The following CD44 variants were observed in gnomAD, a reference collection of about 807,000 sequenced individuals.
CD44 encodes the protein CD44 antigen.
In CD44, 49 loss-of-function variants were observed where a neutral mutation model predicts 88.8. The observed-to-expected ratio is 0.55, with a 90% confidence interval of 0.44 to 0.70. The LOEUF (loss-of-function observed/expected upper bound fraction) is 0.70. Among genes scored for constraint, CD44 ranks in the 30% least tolerant of loss-of-function variants. CD44 has a pLI of 0.00. For synonymous variants in CD44, 325 were observed against 312.3 expected (o/e 1.04, Z -0.43); for missense variants, 883 against 913.8 (o/e 0.97, Z 0.43).
intron 6 of CD44, 167 bp from the exon 7 acceptor site, chr11:35,197,954 T>G: frequency 1.8e-6 from 1 of 569,736 alleles, no homozygotes; most frequent in Middle Eastern, 3.3e-4. Flanking sequence ...GATTTATGTA[T>G]TAGCTTCGGA....
At chr11:35,212,970 T>G (rs1035282395) in intron 14 of CD44, 5 of 152,158 alleles carry the variant, frequency 3.3e-5, no homozygotes, top group Non-Finnish European at 7.3e-5. Context: ...ATTACAGATG[T>G]GTGCCACCAC....
intron 1 of CD44, among the ~76,000 whole-genome samples, chr11:35,148,333 C>T (rs906184327): frequency 1.1e-4 from 17 of 152,302 alleles, no homozygotes; most frequent in Non-Finnish European, 2.2e-4. Flanking sequence ...ACGTCAGCTC[C>T]GCAGCCACCA....
chr11:35,211,815 T>G (rs1034057077), intron 14 of CD44, among the ~76,000 whole-genome samples: 2 of 152,208 alleles, frequency 1.3e-5, no homozygotes, highest in Non-Finnish European at 2.9e-5. Context: ...AGTAGTCGAA[T>G]TTTAGCAATT....
intron 15 of CD44, 108 bp from the exon 16 acceptor site, chr11:35,219,208 G>C: frequency 1.3e-6 from 1 of 781,734 alleles, no homozygotes; most frequent in Non-Finnish European, 2.3e-6. Flanking sequence ...TCCATAAATG[G>C]CTTCTCAGTG....
In CD44 at chr11:35,192,790, C is replaced by CT. The variant is rs35505196; in HGVS notation, c.667+2745dup. 3.2e-3 allele frequency among the ~76,000 whole-genome samples: 355 copies of CT among 109,550 alleles called. 4 individuals are homozygous for CT. Among genetic ancestry groups the CT allele is most frequent in the Middle Eastern group, 0.014 (3 of 214 alleles). 71.9% of individuals were successfully genotyped at this position (109,550 alleles called of 152,430 possible). On this transcript the variant is annotated intron_variant, in intron 5 of 17. Transcript: ENST00000428726. ...CTTCTGGGTGTCAAAGGAATTCTTT[C>CT]TTTTTTTTTTTTTTTTTTTTCAGAT...
At chr11:35,185,942 T>C (rs1310659722) in intron 3 of CD44, among the ~76,000 whole-genome samples, 9 of 152,088 alleles carry the variant, frequency 5.9e-5, no homozygotes, top group Non-Finnish European at 1.5e-5. Flanking sequence ...ACAGTGCTGC[T>C]CAGAGGGCTA....
At chr11:35,215,000 A>G in intron 15 of CD44, 86 bp downstream of exon 15, 1 of 774,284 alleles carries the variant, frequency 1.3e-6, no homozygotes, top group Non-Finnish European at 1.9e-6. Flanking sequence ...CAGTGTCTCC[A>G]GAGAAGTGGT....
intron 5 of CD44, among the ~76,000 whole-genome samples, chr11:35,192,379 G>A (rs1329331132): frequency 6.6e-6 from 1 of 152,224 alleles, no homozygotes; most frequent in Non-Finnish European, 1.5e-5. Flanking sequence ...AGGTTCCTGA[G>A]TAGAATCGTA....
At chr11:35,227,868 G>C (rs377052062) in intron 17 of CD44, among the ~76,000 whole-genome samples, 2 of 152,184 alleles carry the variant, frequency 1.3e-5, no homozygotes, top group African/African-American at 2.4e-5. Context: ...TTGAATATTG[G>C]CTCTGTCATT....
At chr11:35,191,963 T>C (rs972062302) in intron 5 of CD44, among the ~76,000 whole-genome samples, 1 of 152,188 alleles carries the variant, frequency 6.6e-6, no homozygotes, top group Non-Finnish European at 1.5e-5. Context: ...ATTCAATCAA[T>C]ATCTGAGGTC....
At position 35,204,624 on chromosome 11, in the gene CD44, G is replaced by C; in HGVS notation, c.1266G>C (p.Ser422=). 1 of 1,613,092 alleles carries C rather than the reference G, an allele frequency of 6.2e-7. No homozygotes were observed. Among genetic ancestry groups the C allele is most frequent in the Non-Finnish European group, 8.5e-7 (1 of 1,179,260 alleles). Residue 422 remains serine, a synonymous_variant, in exon 10 of 18, where the codon TCG becomes TCC. Coordinates refer to ENST00000428726, the MANE Select transcript of CD44 (RefSeq NM_000610.4). ...AAACACCCAAAGAAGACTCCCATTC[G>C]ACAACAGGGACAGCTGGTAATGGAT... ...YRQTPKEDSH[S]TTGTAAASAH...
intron 1 of CD44, among the ~76,000 whole-genome samples, chr11:35,163,836 G>A (rs900141329): frequency 1.3e-5 from 2 of 152,152 alleles, no homozygotes; most frequent in African/African-American, 4.8e-5. Context: ...TCAAGGTGCA[G>A]CAAGGAGAGA....
At position 35,190,073 on chromosome 11, in the gene CD44, G is replaced by T. The variant is rs1052845955; in HGVS notation, c.667+8G>T. ...ACAGAATCCCTGCTACCAGTAAGGA[G>T]AATAAATCACTGTGCTTCCCAATAG... On this transcript the variant is annotated splice_region_variant and intron_variant, in intron 5 of 17. Coordinates refer to ENST00000428726, the MANE Select transcript of CD44 (RefSeq NM_000610.4). The T allele has an allele frequency of 1.2e-6, 2 of 1,607,472 alleles. No homozygotes were observed. Among genetic ancestry groups the T allele is most frequent in the Non-Finnish European group, 1.7e-6 (2 of 1,174,016 alleles).
intron 1 of CD44, among the ~76,000 whole-genome samples, chr11:35,145,224 T>G (rs1478580526): frequency 1.3e-5 from 2 of 152,260 alleles, no homozygotes; most frequent in Non-Finnish European, 2.9e-5. Flanking sequence ...AGGGATCATG[T>G]CACATTCATT....
intron 11 of CD44, 118 bp downstream of exon 11, chr11:35,206,361 G>C: frequency 9.9e-7 from 1 of 1,005,320 alleles, no homozygotes; most frequent in Non-Finnish European, 1.4e-6. Flanking sequence ...TGAAGGACCT[G>C]AGGTTCTTCA....
intron 1 of CD44, among the ~76,000 whole-genome samples, chr11:35,163,395 G>A (rs1379478689): frequency 6.6e-6 from 1 of 152,176 alleles, no homozygotes; most frequent in Non-Finnish European, 1.5e-5. Context: ...CCATTGGAGT[G>A]TGACTGGCAT....
intron 1 of CD44, among the ~76,000 whole-genome samples, chr11:35,162,970 G>A (rs1420685586): frequency 6.6e-6 from 1 of 152,128 alleles, no homozygotes; most frequent in Non-Finnish European, 1.5e-5. Context: ...GAAAGACAGA[G>A]ATTGAGTCAC....
At chr11:35,212,812 T>C (rs1338593251) in intron 14 of CD44, 1 of 152,162 alleles carries the variant, frequency 6.6e-6, no homozygotes, top group Admixed American at 6.6e-5. Context: ...GAAAGCCTGT[T>C]GTGCAACCCA....
At chr11:35,189,470 A>T (rs114168420) in intron 4 of CD44, among the ~76,000 whole-genome samples, 8 of 152,204 alleles carry the variant, frequency 5.3e-5, no homozygotes, top group Non-Finnish European at 1.0e-4. Flanking sequence ...ATGATTATTT[A>T]TTGAGCATCC....
Sources: gnomAD v4.1 joint callset for allele counts (sites outside exome capture counted in the v4.1 genomes callset) on GRCh38, gnomAD v4.1.1 for gene constraint, MANE v1.5 for transcripts, NCBI Gene and HGNC (gene_info 2026-07-23, HGNC 2026-07-21) for gene names.